JPH3: variants seen among roughly 807,000 people sequenced by gnomAD.
JPH3 encodes the protein junctophilin-3.
A neutral mutation model predicts 59.6 loss-of-function variants in JPH3; 11 were observed. The ratio of observed to expected loss-of-function variants is 0.18; its 90% CI spans 0.12 to 0.31. The LOEUF (loss-of-function observed/expected upper bound fraction) is 0.31. Ranked by LOEUF, JPH3 falls within the 10% of genes least tolerant of loss-of-function variation. The pLI is 1.00. For missense variants in JPH3, 1,202 were observed against 1,105.7 expected, an observed-to-expected ratio of 1.09 and a Z score of -1.24; for synonymous variants, 673 against 483.6, an observed-to-expected ratio of 1.39 and a Z score of -5.14.
At position 87,644,907 on chromosome 16, in the gene JPH3, C is replaced by A; in HGVS notation, c.1032C>A (p.Val344=). Residue 344 remains valine, a synonymous_variant, in exon 2 of 5, where the codon GTC becomes GTA. Coordinates refer to ENST00000284262, the MANE Select transcript of JPH3 (RefSeq NM_020655.4). ...EEGKYKQNIL[V]GGKRKNLIPL... is the part of the protein sequence containing the mutation. ...GCAAGTACAAGCAGAACATCCTCGT[C>A]GGCGGCAAGCGCAAGAACCTCATCC... 6.2e-7 allele frequency: 1 copy of A among 1,612,914 alleles called. No homozygotes were observed.
At chr16:87,616,471 T>C (rs546653154) in intron 1 of JPH3, among the ~76,000 whole-genome samples, 23 of 151,814 alleles carry the variant, frequency 1.5e-4, no homozygotes, top group Non-Finnish European at 2.8e-4. Context: ...AGGATGGTCT[T>C]GATCTCCTGA....
chr16:87,608,622 C>T (rs1487362080), intron 1 of JPH3, among the ~76,000 whole-genome samples: 1 of 152,168 alleles, frequency 6.6e-6, no homozygotes, highest in East Asian at 1.9e-4. Flanking sequence ...CGGCTGCCTG[C>T]CTGGGTTGGG....
In JPH3 at chr16:87,690,333, A is replaced by C; in HGVS notation, c.1973A>C (p.Lys658Thr). The C allele has an allele frequency of 6.3e-7, 1 of 1,587,196 alleles. No individual in the cohort carries two copies. The highest frequency in any genetic ancestry group is 1.4e-5 in the African/African-American group (1 of 74,050). Reference protein sequence around the residue: ...RGFGVQRLRSKAQNKENFRPA... With the variant: ...RGFGVQRLRSTAQNKENFRPA... ...TTCGGGGTGCAGAGACTGCGGTCCA[A>C]GGCCCAGAACAAGGAGAACTTCAGG... Residue 658 changes from lysine to threonine, a missense_variant, in exon 4 of 5, where the codon AAG (lysine) becomes ACG (threonine). Physicochemically the swap from Lys to Thr is moderately conservative, Grantham distance 78. Coordinates refer to ENST00000284262, the MANE Select transcript of JPH3 (RefSeq NM_020655.4).
At chr16:87,678,737 C>T (rs1412354039) in intron 2 of JPH3, among the ~76,000 whole-genome samples, 2 of 152,120 alleles carry the variant, frequency 1.3e-5, no homozygotes, top group South Asian at 2.1e-4. Context: ...CAGGCTGGGC[C>T]CCAATCCAAC....
In JPH3 at chr16:87,684,154, T is replaced by G; in HGVS notation, c.1173T>G (p.Ser391=). ...CTGTCTCCCCCAGGACCTCCCACTC[T>G]CGGGCAAAGGCCGAGGCAGCCCTCA... is the stretch of plus-strand genomic sequence containing the variant. ...AEIAASRTSH[S]RAKAEAALTA... is the part of the protein sequence containing the mutation. The change falls in exon 3 of 5, where the codon TCT becomes TCG. Residue 391 remains serine (S), a synonymous_variant. Coordinates refer to ENST00000284262, the MANE Select transcript of JPH3 (RefSeq NM_020655.4). The G allele has an allele frequency of 6.2e-7, 1 of 1,613,264 alleles. No individual in the cohort carries two copies.
intron 1 of JPH3, among the ~76,000 whole-genome samples, chr16:87,617,763 C>G (rs1056824165): frequency 6.6e-6 from 1 of 151,894 alleles, no homozygotes; most frequent in Admixed American, 6.6e-5. Flanking sequence ...GAAACATGCT[C>G]AGCAGAGAAG....
intron 1 of JPH3, among the ~76,000 whole-genome samples, chr16:87,608,089 C>T (rs528243461): frequency 2.6e-5 from 4 of 152,284 alleles, no homozygotes; most frequent in African/African-American, 4.8e-5. Context: ...GAGTGAGGAC[C>T]GGCACCCGCC....
At chr16:87,652,496 C>A (rs1053637578) in intron 2 of JPH3, among the ~76,000 whole-genome samples, 8 of 152,238 alleles carry the variant, frequency 5.3e-5, no homozygotes, top group Admixed American at 4.6e-4. Flanking sequence ...CAGGGTCTTA[C>A]TCTGCCGTCC....
intron 2 of JPH3, among the ~76,000 whole-genome samples, chr16:87,657,826 C>T (rs184140220): frequency 7.2e-5 from 11 of 152,298 alleles, no homozygotes; most frequent in African/African-American, 1.9e-4. Context: ...CGTGACCACA[C>T]CTAGCTGCAA....
rs565794433 is a variant in JPH3 at position 87,690,737 on chromosome 16, C to T, written c.2166+211C>T. ...GTGGGGCAGGTGTCATACCTCTTTCCGTGAGAGGCTGCCCCCAGGTTGTCC... is the reference window on the plus strand; with the variant it reads ...GTGGGGCAGGTGTCATACCTCTTTCTGTGAGAGGCTGCCCCCAGGTTGTCC... On this transcript the variant is annotated intron_variant, in intron 4 of 4. Coordinates refer to ENST00000284262, the MANE Select transcript of JPH3 (RefSeq NM_020655.4). Among the ~76,000 whole-genome samples the T allele has an allele frequency of 1.9e-4, 29 of 152,304 alleles. No individual in the cohort carries two copies. In the East Asian group the frequency reaches 5.4e-3, roughly 28 times the overall value.
At chr16:87,649,977 AAGGGGT>A (rs1443787112) in intron 2 of JPH3, among the ~76,000 whole-genome samples, 1 of 152,240 alleles carries the variant, frequency 6.6e-6, no homozygotes, top group Non-Finnish European at 1.5e-5. Context: ...AAGGGATGCC[AAGGGGT>A]TTTGCAAAGC....
rs189872440 is a variant in JPH3 at position 87,677,024 on chromosome 16, T to G, written c.1161-7118T>G. ...AATACAAAAAATTAGCCGGGCGTGG[T>G]GGCGGGCGCCTGTAGTCCCAGCTAC... On this transcript the variant is annotated intron_variant, in intron 2 of 4. Transcript: ENST00000284262. 1.1e-3 allele frequency among the ~76,000 whole-genome samples: 160 copies of G among 151,600 alleles called. 3 individuals carry two copies. In the East Asian group the frequency reaches 0.027, roughly 25 times the overall value.
chr16:87,655,760 C>T (rs995578156), intron 2 of JPH3, among the ~76,000 whole-genome samples: 2 of 152,264 alleles, frequency 1.3e-5, no homozygotes, highest in South Asian at 2.1e-4. Context: ...GCCCACGTCT[C>T]GGCCCCCCGT....
chr16:87,661,286 T>A (rs56759534), intron 2 of JPH3, among the ~76,000 whole-genome samples: 1 of 152,080 alleles, frequency 6.6e-6, no homozygotes, highest in Non-Finnish European at 1.5e-5. Flanking sequence ...ATCTCTCTCT[T>A]TCCTGATCCT....
At chr16:87,659,891 C>T (rs1007500958) in intron 2 of JPH3, among the ~76,000 whole-genome samples, 1 of 152,190 alleles carries the variant, frequency 6.6e-6, no homozygotes, top group Non-Finnish European at 1.5e-5. Flanking sequence ...CCCAGGTTCC[C>T]TCCCCCAGCC....
chr16:87,643,607 C>T (rs545680618), intron 1 of JPH3, among the ~76,000 whole-genome samples: 1 of 152,342 alleles, frequency 6.6e-6, no homozygotes, highest in African/African-American at 2.4e-5. Context: ...AGCCTCCTAA[C>T]CCAGGACGCG....
chr16:87,657,244 A>T (rs935714320), intron 2 of JPH3, among the ~76,000 whole-genome samples: 1 of 152,220 alleles, frequency 6.6e-6, no homozygotes, highest in Admixed American at 6.5e-5. Flanking sequence ...ACAGTATCTT[A>T]AGGTCTGACA....
intron 2 of JPH3, among the ~76,000 whole-genome samples, chr16:87,675,185 C>T (rs1245997184): frequency 1.4e-5 from 2 of 137,972 alleles, no homozygotes; most frequent in Non-Finnish European, 3.2e-5. Flanking sequence ...TCACCCCCCG[C>T]CCCTCCCCCG....
chr16:87,622,247 T>G (rs1430701708), intron 1 of JPH3, among the ~76,000 whole-genome samples: 2 of 152,204 alleles, frequency 1.3e-5, no homozygotes, highest in Non-Finnish European at 2.9e-5. Flanking sequence ...TCCAGGACTC[T>G]TGGGTGATGG....
Sources: allele counts gnomAD v4.1 joint callset (sites outside exome capture counted in the v4.1 genomes callset), GRCh38; gene constraint gnomAD v4.1.1; transcripts MANE v1.5; gene names NCBI Gene and HGNC (gene_info 2026-07-23, HGNC 2026-07-21).